Variants in CT45A1 observed in about 807,000 individuals in gnomAD.
CT45A1 encodes cancer/testis antigen family 45 member A1.
upstream of CT45A1, among the ~76,000 whole-genome samples, chrX:135,712,937 T>TCTTTCTTTCTTTCTTTC (rs782502268): frequency 1.4e-5 from 1 of 69,548 alleles, no homozygotes; most frequent in African/African-American, 6.3e-5. Context: ...TCTTTTCTTT[T>TCTTTCTTTCTTTCTTTC]TTTCTTTCTT....
At chrX:135,712,274 GCCTCCTGGTC>G (rs2087939292), upstream of CT45A1, among the ~76,000 whole-genome samples, 4 of 84,254 alleles carry the variant, frequency 4.7e-5, no homozygotes, top group Non-Finnish European at 8.5e-5. Flanking sequence ...CTAGTCTCAA[GCCTCCTGGTC>G]TCAAGCCTCC....
upstream of CT45A1, among the ~76,000 whole-genome samples, chrX:135,713,045 CTT>C (rs1238585498): frequency 1.6e-5 from 1 of 63,502 alleles, no homozygotes; most frequent in Non-Finnish European, 3.0e-5. Flanking sequence ...TTCTTCTTTC[CTT>C]TTTTTTTTTT....
At chrX:135,713,215 T>C (rs1219472124), upstream of CT45A1, among the ~76,000 whole-genome samples, 3 of 95,830 alleles carry the variant, frequency 3.1e-5, no homozygotes, top group Admixed American at 1.2e-4. Context: ...TTTTTGTGTG[T>C]GTTTTTTTTT....
At chrX:135,714,707 G>T (rs1156666932) in intron 1 of CT45A1, among the ~76,000 whole-genome samples, 1 of 110,788 alleles carries the variant, frequency 9.0e-6, no homozygotes. Flanking sequence ...TTTCTCTGCC[G>T]ATTAATGAGA....
At chrX:135,716,228 T>A (rs1351622801) in intron 1 of CT45A1, among the ~76,000 whole-genome samples, 1 of 111,673 alleles carries the variant, frequency 9.0e-6, no homozygotes, top group Non-Finnish European at 1.9e-5. Flanking sequence ...ATGGTATTTC[T>A]GGTTCTAGAT....
At chrX:135,709,886 G>A (rs2087925845), upstream of CT45A1, among the ~76,000 whole-genome samples, 1 of 111,576 alleles carries the variant, frequency 9.0e-6, no homozygotes, top group Non-Finnish European at 1.9e-5. Flanking sequence ...ATTTTAAAAA[G>A]GTTAAAAAAG....
rs782013183 is a variant in CT45A1 at position 135,714,357 on chromosome X, C to T, written c.-7+667C>T. The stretch of plus-strand genomic sequence containing the variant: ...TGGTGGGTGCTCTCTCCCGGTGCTG[C>T]GGGGGAATGGGGTGCTGTTCCTTGG... On this transcript the variant is annotated intron_variant, in intron 1 of 4. Transcript: ENST00000594565. Among the ~76,000 whole-genome samples the T allele has an allele frequency of 8.2e-5, 9 of 109,234 alleles. No homozygotes were observed. In the South Asian group the frequency reaches 3.0e-3, roughly 36 times the overall value. 94.9% of individuals were successfully genotyped at this position (109,234 alleles called of 115,157 possible). A position where few individuals can be genotyped will look rare whatever the true frequency, so the allele number is the denominator to read the frequency against.
upstream of CT45A1, among the ~76,000 whole-genome samples, chrX:135,708,818 ATGTCT>A (rs2087920532): frequency 9.0e-6 from 1 of 110,916 alleles, no homozygotes; most frequent in Non-Finnish European, 1.9e-5. Context: ...TTCTCACATA[ATGTCT>A]TGTAAGTGTG....
At chrX:135,717,558 AATG>A (rs1404579851) in intron 1 of CT45A1, among the ~76,000 whole-genome samples, 6 of 111,726 alleles carry the variant, frequency 5.4e-5, no homozygotes, top group African/African-American at 2.0e-4. Flanking sequence ...CAAAAAAAAA[AATG>A]ATGTCTTCCA....
At chrX:135,719,284 T>TC (rs1287659799) in intron 2 of CT45A1, among the ~76,000 whole-genome samples, 175 bp downstream of exon 2, 8 of 33,719 alleles carry the variant, frequency 2.4e-4, no homozygotes, top group Non-Finnish European at 3.6e-4. Context: ...TTTCCGACAA[T>TC]CTTTTTTTTT....
At chrX:135,712,977 T>TTTC (rs2087946068), upstream of CT45A1, among the ~76,000 whole-genome samples, 1 of 4,556 alleles carries the variant, frequency 2.2e-4, no homozygotes, top group African/African-American at 1.0e-3. Flanking sequence ...TTCTTTCTTT[T>TTTC]CTTTCTCCTT....
chrX:135,711,255 T>C (rs1387793930), upstream of CT45A1, among the ~76,000 whole-genome samples: 11 of 111,726 alleles, frequency 9.8e-5, no homozygotes, highest in African/African-American at 3.6e-4. Flanking sequence ...ACTGTGTTCC[T>C]ACATCGAAGT....
chrX:135,709,954 C>T (rs1346559036), upstream of CT45A1: 1 of 112,398 alleles, frequency 8.9e-6, no homozygotes, highest in African/African-American at 3.2e-5. Context: ...TACACTTTGA[C>T]ACCTTTACAA....
intron 1 of CT45A1, among the ~76,000 whole-genome samples, chrX:135,717,872 T>A (rs2088001082): frequency 8.9e-6 from 1 of 112,047 alleles, no homozygotes; most frequent in Admixed American, 9.5e-5. Context: ...CATCTGTGAA[T>A]GACAGTTTTA....
At chrX:135,709,484 G>A (rs868973653), upstream of CT45A1, among the ~76,000 whole-genome samples, 4 of 111,944 alleles carry the variant, frequency 3.6e-5, no homozygotes, top group East Asian at 2.8e-4. Flanking sequence ...GGCCAGCCTT[G>A]CCTGGAACTC....
chrX:135,709,845 A>T (rs1345273629), upstream of CT45A1, among the ~76,000 whole-genome samples: 1 of 111,634 alleles, frequency 9.0e-6, no homozygotes, highest in African/African-American at 3.3e-5. Context: ...CCAAGTGAGA[A>T]AACTGTACGT....
intron 1 of CT45A1, among the ~76,000 whole-genome samples, chrX:135,717,009 T>G (rs1302011667): frequency 3.6e-5 from 4 of 111,694 alleles, no homozygotes; most frequent in African/African-American, 1.3e-4. Context: ...ACTCTACCTT[T>G]ATAGTAAATT....
At chrX:135,712,961 C>CTTTCTTTCT (rs1556570092), upstream of CT45A1, among the ~76,000 whole-genome samples, 1 of 72,586 alleles carries the variant, frequency 1.4e-5, no homozygotes, top group African/African-American at 5.1e-5. Flanking sequence ...TTCTTTCTTT[C>CTTTCTTTCT]TTTCTTTCTT....
At chrX:135,717,953 G>A (rs782584446) in intron 1 of CT45A1, among the ~76,000 whole-genome samples, 1 of 111,981 alleles carries the variant, frequency 8.9e-6, no homozygotes, top group African/African-American at 3.2e-5. Context: ...CCAATAGATT[G>A]TTGAATGGAT....
Sources: allele counts gnomAD v4.1 joint callset (sites outside exome capture counted in the v4.1 genomes callset), GRCh38; gene constraint gnomAD v4.1.1; transcripts MANE v1.5; gene names NCBI Gene and HGNC (gene_info 2026-07-23, HGNC 2026-07-21).